DAPK2: variants seen among roughly 807,000 people sequenced by gnomAD.
The protein encoded by DAPK2 is death-associated protein kinase 2.
In DAPK2, 35 loss-of-function variants were observed where a neutral mutation model predicts 44.1. That is an observed-to-expected ratio of 0.79 (90% confidence interval 0.61 to 1.05). The LOEUF is 1.05. Ranked by LOEUF, DAPK2 falls within the 50% of genes least tolerant of loss-of-function variation. The pLI is 0.00. For missense variants in DAPK2, 453 were observed against 483.2 expected (o/e 0.94, Z 0.59); for synonymous variants, 174 against 182.6 (o/e 0.95, Z 0.38).
At chr15:63,971,210 G>C (rs934886883) in intron 3 of DAPK2, among the ~76,000 whole-genome samples, 1 of 152,184 alleles carries the variant, frequency 6.6e-6, no homozygotes, top group Non-Finnish European at 1.5e-5. Flanking sequence ...GCTTCTTGCA[G>C]TCAGCTCCAG....
chr15:64,042,040 C>T (rs564749166), upstream of DAPK2, among the ~76,000 whole-genome samples: 13 of 152,154 alleles, frequency 8.5e-5, no homozygotes, highest in Non-Finnish European at 1.9e-4. The surrounding 1 kb of genome is among the most constrained non-coding windows in gnomAD (Gnocchi z 4.7). Flanking sequence ...TCCAGACTAG[C>T]GTGAGTGTAT....
At chr15:63,937,681 C>T (rs906040265) in intron 4 of DAPK2, among the ~76,000 whole-genome samples, 2 of 152,200 alleles carry the variant, frequency 1.3e-5, no homozygotes, top group Admixed American at 1.3e-4. Context: ...GTGGGTATCT[C>T]ATATGAACAG....
At chr15:64,033,329 A>AGGAAGG (rs1158179065) in intron 1 of DAPK2, among the ~76,000 whole-genome samples, 18 of 99,132 alleles carry the variant, frequency 1.8e-4, no homozygotes, top group African/African-American at 7.4e-4. Context: ...AGGAAGGAAA[A>AGGAAGG]AAAAAATAGC....
At chr15:63,962,767 A>T (rs570509196) in intron 3 of DAPK2, among the ~76,000 whole-genome samples, 15 of 152,256 alleles carry the variant, frequency 9.9e-5, no homozygotes, top group African/African-American at 3.6e-4. Flanking sequence ...CCCTATTGGG[A>T]GGTGTCTCCC....
chr15:63,979,821 C>A (rs2078453298), intron 2 of DAPK2, among the ~76,000 whole-genome samples: 2 of 152,038 alleles, frequency 1.3e-5, no homozygotes, highest in Admixed American at 6.6e-5. Context: ...GAGGCTAAGG[C>A]ACAGGATCAC....
rs1229076850 is a variant in DAPK2, at chr15:63,912,914, C to T, written c.859-717G>A. On this transcript the variant is annotated intron_variant, in intron 8 of 10. Coordinates refer to ENST00000261891, the Ensembl canonical transcript of DAPK2. This position sits in a 1 kb window ranked among gnomAD's most constrained non-coding sequence, Gnocchi z 4.4. ...GTTCTCCATTCCCTTTTCAACACCC[C>T]CCTTTTGTAAAATAAGGTTTTGTGA... is the stretch of plus-strand genomic sequence containing the variant. Among the ~76,000 whole-genome samples the T allele has an allele frequency of 6.6e-6, 1 of 152,140 alleles. No individual in the cohort carries two copies. Among genetic ancestry groups the T allele is most frequent in the Non-Finnish European group, 1.5e-5 (1 of 68,032 alleles).
At chr15:63,927,913 T>A (rs1364247753) in intron 6 of DAPK2, among the ~76,000 whole-genome samples, 1 of 151,990 alleles carries the variant, frequency 6.6e-6, no homozygotes, top group Non-Finnish European at 1.5e-5. Context: ...CCTAGCTAGT[T>A]TTTTGTTTTG....
At chr15:63,985,606 G>A (rs2078647775) in intron 1 of DAPK2, among the ~76,000 whole-genome samples, 1 of 152,202 alleles carries the variant, frequency 6.6e-6, no homozygotes, top group African/African-American at 2.4e-5. Flanking sequence ...GGAAAGCAAA[G>A]CTTAAGGGTG....
chr15:63,931,053 A>C (rs1305835434), intron 4 of DAPK2, among the ~76,000 whole-genome samples: 1 of 152,118 alleles, frequency 6.6e-6, no homozygotes, highest in African/African-American at 2.4e-5. Context: ...TGACAGAGTG[A>C]GACCCATCTT....
At chr15:63,994,950 T>C (rs1416106880) in intron 1 of DAPK2, among the ~76,000 whole-genome samples, 1 of 152,158 alleles carries the variant, frequency 6.6e-6, no homozygotes, top group African/African-American at 2.4e-5. Context: ...TGAAGCCTGC[T>C]TTTTAAAAAT....
At position 64,010,172 on chromosome 15, in the gene DAPK2, G is replaced by C. The variant is rs1386903897; in HGVS notation, c.93-26418C>G. ...CCTAAGCTCAGACCCACAGAGTCAG[G>C]AACTCTGGGGGTGGGGCCCAGCATC... On this transcript the variant is annotated intron_variant, in intron 1 of 10. Coordinates refer to ENST00000261891, the Ensembl canonical transcript of DAPK2. Among the ~76,000 whole-genome samples, 3 of 152,144 alleles carry C rather than the reference G, an allele frequency of 2.0e-5. No homozygotes were observed. In the East Asian group the frequency reaches 5.8e-4, roughly 29 times the overall value.
At chr15:64,027,037 A>C (rs1190248214) in intron 1 of DAPK2, among the ~76,000 whole-genome samples, 1 of 152,186 alleles carries the variant, frequency 6.6e-6, no homozygotes, top group East Asian at 1.9e-4. Flanking sequence ...TGAGCCCAGG[A>C]GTTCAAGACC....
At position 64,046,029 on chromosome 15, in the gene DAPK2, G is replaced by A. The variant is rs1485719435; in HGVS notation, c.-7+269C>T. Among the ~76,000 whole-genome samples the A allele has an allele frequency of 6.6e-6, 1 of 152,226 alleles. No individual in the cohort carries two copies. Among genetic ancestry groups the A allele is most frequent in the Non-Finnish European group, 1.5e-5 (1 of 68,026 alleles). On this transcript the variant is annotated intron_variant, in intron 1 of 11. Transcript: ENST00000457488. The surrounding 1 kb of genome is among the most constrained non-coding windows in gnomAD (Gnocchi z 5.3). ...TCTGTCTCCCATCTCCCTGCTGGGT[G>A]CTTGGCTCTGCCCGCCGCCTCTACC...
upstream of DAPK2, among the ~76,000 whole-genome samples, chr15:64,040,473 A>G (rs564391548): frequency 1.3e-5 from 2 of 152,250 alleles, no homozygotes; most frequent in South Asian, 4.1e-4. Context: ...ACGAATTCAA[A>G]TTTGTTAAGG....
intron 1 of DAPK2, among the ~76,000 whole-genome samples, chr15:63,991,590 C>A (rs34639711): frequency 0.37 from 56,616 of 151,678 alleles, 11,272 homozygotes; most frequent in Non-Finnish European, 0.45. Context: ...CCAGAGCCCA[C>A]CCACTGACCG....
At chr15:63,977,093 A>G (rs2078372574) in intron 2 of DAPK2, among the ~76,000 whole-genome samples, 1 of 117,288 alleles carries the variant, frequency 8.5e-6, no homozygotes, top group African/African-American at 3.6e-5. Flanking sequence ...ATCAAAAAAG[A>G]GGCAAAAAAA....
chr15:63,937,837 T>C (rs1273755467), intron 4 of DAPK2, among the ~76,000 whole-genome samples: 1 of 152,216 alleles, frequency 6.6e-6, no homozygotes, highest in South Asian at 2.1e-4. Context: ...TTACCACATA[T>C]GTGAATGGTG....
At chr15:64,023,574 G>C (rs1202719792) in intron 1 of DAPK2, among the ~76,000 whole-genome samples, 1 of 152,212 alleles carries the variant, frequency 6.6e-6, no homozygotes, top group Admixed American at 6.5e-5. Flanking sequence ...CCTCTGATGT[G>C]TCTCAAGTAC....
intron 4 of DAPK2, chr15:63,936,098 C>G (rs975606076): frequency 2.6e-5 from 4 of 152,278 alleles, no homozygotes; most frequent in African/African-American, 9.6e-5. Flanking sequence ...TTCCATCCAT[C>G]AGATGTTACA....
Sources: allele counts gnomAD v4.1 joint callset (sites outside exome capture counted in the v4.1 genomes callset), GRCh38; gene constraint gnomAD v4.1.1; non-coding constraint Gnocchi (gnomAD v3.1); transcripts MANE v1.5; gene names NCBI Gene and HGNC (gene_info 2026-07-23, HGNC 2026-07-21).